Variants in PIK3C2G observed in about 807,000 individuals in gnomAD.
PIK3C2G encodes the protein phosphatidylinositol 3-kinase C2 domain-containing subunit gamma.
PIK3C2G carries 168 observed loss-of-function variants against 181.1 expected under a neutral mutation model. The observed-to-expected ratio is 0.93, with a 90% CI of 0.82 to 1.05. The LOEUF (loss-of-function observed/expected upper bound fraction) is 1.05. PIK3C2G is among the 50% of genes least tolerant of loss of function. The probability of loss-of-function intolerance (pLI) is 0.00; values close to 1 mark genes in which losing one functional copy is unlikely to be tolerated. For missense variants in PIK3C2G, 1,869 were observed against 1,732.8 expected (o/e 1.08, Z -1.40); for synonymous variants, 573 against 592.2 (o/e 0.97, Z 0.47).
intron 18 of PIK3C2G, among the ~76,000 whole-genome samples, chr12:18,449,334 T>C (rs1463102089): frequency 6.6e-6 from 1 of 152,152 alleles, no homozygotes; most frequent in Non-Finnish European, 1.5e-5. Flanking sequence ...GTGCTGAACA[T>C]GCAGGTTTGT....
At position 18,559,779 on chromosome 12, in the gene PIK3C2G, TATATATATA is replaced by T. The variant is rs1945205070; in HGVS notation, c.3591-2923_3591-2915del. 6.1e-4 allele frequency among the ~76,000 whole-genome samples: 22 copies of T among 35,848 alleles called. 1 individual carries two copies. Among genetic ancestry groups the T allele is most frequent in the Non-Finnish European group, 9.2e-4 (21 of 22,910 alleles). The allele number at this position is 35,848 out of a possible 152,430, so 23.5% of individuals were successfully genotyped here. A position where few individuals can be genotyped will look rare whatever the true frequency, so the allele number is the denominator to read the frequency against. ...TCTCAGAATGTATTGTATGAAATTA[TATATATATA>T]TATATATATATATATATATATATAT... On this transcript the variant is annotated intron_variant, in intron 26 of 32. Transcript: ENST00000538779.
At chr12:18,657,470 G>A in the PIK3C2G span, among the ~76,000 whole-genome samples, 1 of 152,068 alleles carries the variant, frequency 6.6e-6, no homozygotes, top group South Asian at 2.1e-4. Context: ...AGTGTTGAAG[G>A]CATGCCTCAA....
At chr12:18,272,369 G>T (rs1235635621) in intron 1 of PIK3C2G, among the ~76,000 whole-genome samples, 1 of 151,966 alleles carries the variant, frequency 6.6e-6, no homozygotes, top group African/African-American at 2.4e-5. Flanking sequence ...CTTCTTCATG[G>T]TAGTTTTGAA....
chr12:18,592,307 G>C (rs989718648), intron 29 of PIK3C2G, among the ~76,000 whole-genome samples: 6 of 151,766 alleles, frequency 4.0e-5, no homozygotes, highest in African/African-American at 1.5e-4. Flanking sequence ...AAAGGAAAAG[G>C]AGTCCACAAA....
At chr12:18,497,486 A>G in intron 21 of PIK3C2G, 133 bp from the exon 22 acceptor site, 1 of 543,090 alleles carries the variant, frequency 1.8e-6, no homozygotes, top group South Asian at 6.0e-5. Flanking sequence ...TTTAGTGCTA[A>G]CAAAACCATT....
chr12:18,372,563 C>T (rs1314572873), intron 13 of PIK3C2G: 1 of 152,132 alleles, frequency 6.6e-6, no homozygotes, highest in African/African-American at 2.4e-5. Flanking sequence ...AGTGTCTTTC[C>T]TTCTCATGAG....
chr12:18,702,597 C>A, the PIK3C2G span, among the ~76,000 whole-genome samples: 6 of 152,200 alleles, frequency 3.9e-5, no homozygotes, highest in East Asian at 1.2e-3. Context: ...TTCACAATGA[C>A]CCTTATGATA....
chr12:18,371,514 A>T (rs1340989593), intron 13 of PIK3C2G, among the ~76,000 whole-genome samples: 1 of 152,298 alleles, frequency 6.6e-6, no homozygotes, highest in East Asian at 1.9e-4. Flanking sequence ...CTCATGCTGA[A>T]CTTGTCAGCT....
rs78045223 is a variant in PIK3C2G, at chr12:18,577,048, A to G, written c.4011+9991A>G. 3.0e-3 allele frequency among the ~76,000 whole-genome samples: 453 copies of G among 152,338 alleles called. 2 individuals carry two copies. Among genetic ancestry groups the G allele is most frequent in the East Asian group, 0.017 (88 of 5,184 alleles). On this transcript the variant is annotated intron_variant, in intron 29 of 32. Transcript: ENST00000538779. ...CTGAGGCCAATAAGTGCAAAGTAAA[A>G]AGGCATCTGATTTCTGGGACTGGTG...
intron 31 of PIK3C2G, among the ~76,000 whole-genome samples, chr12:18,625,464 CTG>C (rs1410300614): frequency 6.6e-6 from 1 of 151,660 alleles, no homozygotes; most frequent in African/African-American, 2.4e-5. Flanking sequence ...GAAGAATATT[CTG>C]TGTGTGCTTA....
chr12:18,666,376 G>A, the PIK3C2G span, among the ~76,000 whole-genome samples: 5 of 151,992 alleles, frequency 3.3e-5, no homozygotes, highest in Non-Finnish European at 7.4e-5. Context: ...ACACAAATAT[G>A]TTGAAAATGG....
intron 16 of PIK3C2G, among the ~76,000 whole-genome samples, chr12:18,415,137 T>C (rs1945102814): frequency 6.6e-6 from 1 of 152,236 alleles, no homozygotes; most frequent in South Asian, 2.1e-4. Flanking sequence ...TACCTTACTT[T>C]ATTGTGCTCT....
the PIK3C2G span, chr12:18,712,924 G>A: frequency 1.2e-6 from 2 of 1,613,916 alleles, no homozygotes; most frequent in Non-Finnish European, 8.5e-7. Context: ...ATATACAACA[G>A]GTTCATTTTG....
At chr12:18,471,449 C>T (rs1258675981) in intron 18 of PIK3C2G, among the ~76,000 whole-genome samples, 1 of 152,118 alleles carries the variant, frequency 6.6e-6, no homozygotes, top group Non-Finnish European at 1.5e-5. Flanking sequence ...TCTTTGTAAC[C>T]TTTTCACTAA....
intron 32 of PIK3C2G, among the ~76,000 whole-genome samples, chr12:18,647,675 G>A (rs1200387034): frequency 6.6e-6 from 1 of 151,918 alleles, no homozygotes; most frequent in Non-Finnish European, 1.5e-5. Flanking sequence ...TACAAAAATA[G>A]CCTGTCATTA....
At chr12:18,323,241 T>C (rs1284722388) in intron 7 of PIK3C2G, among the ~76,000 whole-genome samples, 1 of 152,088 alleles carries the variant, frequency 6.6e-6, no homozygotes, top group Non-Finnish European at 1.5e-5. Context: ...GTAGCAAGGG[T>C]AGAGGAAACA....
intron 13 of PIK3C2G, 28 bp downstream of exon 13, chr12:18,371,339 C>A: frequency 1.9e-6 from 3 of 1,552,480 alleles, no homozygotes; most frequent in Non-Finnish European, 2.6e-6. Flanking sequence ...GAGTAATAAG[C>A]CTATCATTTC....
chr12:18,581,900 A>C (rs1040717985), intron 29 of PIK3C2G, among the ~76,000 whole-genome samples: 1 of 152,116 alleles, frequency 6.6e-6, no homozygotes, highest in African/African-American at 2.4e-5. Flanking sequence ...ATACAGGAGA[A>C]TCAACAAAGG....
chr12:18,569,547 A>C (rs891774714), intron 29 of PIK3C2G, among the ~76,000 whole-genome samples: 5 of 152,142 alleles, frequency 3.3e-5, no homozygotes, highest in African/African-American at 1.2e-4. Context: ...GACTTTTGGA[A>C]TGTTTCCAGT....
Sources: allele counts gnomAD v4.1 joint callset (sites outside exome capture counted in the v4.1 genomes callset), GRCh38; gene constraint gnomAD v4.1.1; transcripts MANE v1.5; gene names NCBI Gene and HGNC (gene_info 2026-07-23, HGNC 2026-07-21).